DAB1: variants seen among roughly 807,000 people sequenced by gnomAD.
The protein encoded by DAB1 is DAB adaptor protein 1.
In DAB1, 15 loss-of-function variants were observed where a neutral mutation model predicts 64.6. That is an observed-to-expected ratio of 0.23 (90% confidence interval 0.16 to 0.36). The LOEUF (loss-of-function observed/expected upper bound fraction) is 0.36. Among genes scored for constraint, DAB1 ranks in the 10% least tolerant of loss-of-function variants. The probability of loss-of-function intolerance (pLI) is 1.00; values close to 1 mark genes in which losing one functional copy is unlikely to be tolerated. For synonymous variants in DAB1, 235 were observed against 251.9 expected (o/e 0.93, Z 0.64); for missense variants, 596 against 706.7 (o/e 0.84, Z 1.78).
At chr1:58,504,588 T>C (rs953264623) in intron 3 of DAB1, among the ~76,000 whole-genome samples, 5 of 152,190 alleles carry the variant, frequency 3.3e-5, no homozygotes, top group Admixed American at 1.3e-4. Flanking sequence ...CTAACTAGAA[T>C]GTTAACTCCA....
At chr1:57,713,002 T>C (rs960619443) in intron 6 of DAB1, among the ~76,000 whole-genome samples, 1 of 152,196 alleles carries the variant, frequency 6.6e-6, no homozygotes, top group African/African-American at 2.4e-5. Context: ...CTGACAGAGA[T>C]GAAACAGTTT....
intron 5 of DAB1, among the ~76,000 whole-genome samples, chr1:58,066,786 A>G: frequency 6.6e-6 from 1 of 152,190 alleles, no homozygotes; most frequent in East Asian, 1.9e-4. Context: ...CTCCTCAGAT[A>G]CCATGAGACA....
chr1:57,984,141 A>C (rs553562215), intron 5 of DAB1, among the ~76,000 whole-genome samples: 5 of 150,468 alleles, frequency 3.3e-5, no homozygotes, highest in African/African-American at 1.2e-4. Flanking sequence ...CGCCTTGGTA[A>C]TATAACAGTT....
At position 57,606,543 on chromosome 1, in the gene DAB1, T is replaced by C. The variant is rs868533160; in HGVS notation, n.625+43049A>G. Among the ~76,000 whole-genome samples the C allele has an allele frequency of 2.5e-3, 294 of 115,534 alleles. 1 individual carries two copies. The highest frequency in any genetic ancestry group is 0.01 in the African/African-American group (279 of 27,748). The allele number at this position is 115,534 out of a possible 152,430, so 75.8% of individuals were successfully genotyped here. A position where few individuals can be genotyped will look rare whatever the true frequency, so the allele number is the denominator to read the frequency against. On this transcript the variant is annotated intron_variant and non_coding_transcript_variant, in intron 7 of 20. Coordinates refer to the DAB1 transcript ENST00000485760. ...TATAATATATAATATATATGAAATATATAATATAATATATTATATATTATA... is the reference window on the plus strand; with the variant it reads ...TATAATATATAATATATATGAAATACATAATATAATATATTATATATTATA...
intron 7 of DAB1, among the ~76,000 whole-genome samples, chr1:57,518,451 T>C (rs1644487928): frequency 6.6e-6 from 1 of 151,988 alleles, no homozygotes; most frequent in African/African-American, 2.4e-5. Flanking sequence ...AAAATAGAAA[T>C]GCCACCTCCC....
chr1:57,245,029 A>G (rs1432635538), intron 2 of DAB1, among the ~76,000 whole-genome samples: 1 of 152,358 alleles, frequency 6.6e-6, no homozygotes, highest in East Asian at 1.9e-4. Flanking sequence ...TCAGAAGAAG[A>G]CAGGGAAATG....
At chr1:58,012,166 C>T (rs894539820) in intron 5 of DAB1, among the ~76,000 whole-genome samples, 1 of 152,132 alleles carries the variant, frequency 6.6e-6, no homozygotes, top group African/African-American at 2.4e-5. Flanking sequence ...CAATCAGAGG[C>T]AATTCAAATG....
intron 6 of DAB1, among the ~76,000 whole-genome samples, chr1:57,740,666 G>T (rs1473071515): frequency 6.6e-6 from 1 of 152,286 alleles, no homozygotes; most frequent in African/African-American, 2.4e-5. Context: ...TTGTGGGGAG[G>T]TTAAGTAAAT....
rs148099402 is a variant in DAB1, at chr1:58,242,257, T to C, written n.310-91669A>G. The stretch of plus-strand genomic sequence containing the variant: ...TATAATGATATCATATTTAAACCAA[T>C]GACAAAAATTCCTGCCTATGTATAT... On this transcript the variant is annotated intron_variant and non_coding_transcript_variant, in intron 4 of 20. Transcript: ENST00000485760. Among the ~76,000 whole-genome samples, 565 of 152,172 alleles carry C rather than the reference T, an allele frequency of 3.7e-3. 2 individuals are homozygous for C. The highest frequency in any genetic ancestry group is 0.013 in the African/African-American group (547 of 41,574).
rs146341137 is a variant in DAB1, at chr1:58,317,888, G to A, written n.309+25464C>T. ...ATCCTGGCACCCTCTGTATAAACAT[G>A]TTTCCCCATCTGTATATCTCTCTAG... On this transcript the variant is annotated intron_variant and non_coding_transcript_variant, in intron 4 of 20. Coordinates refer to the DAB1 transcript ENST00000485760. 5.0e-3 allele frequency among the ~76,000 whole-genome samples: 767 copies of A among 152,326 alleles called. 25 individuals are homozygous for A. Among genetic ancestry groups the A allele is most frequent in the Admixed American group, 0.046 (698 of 15,288 alleles).
intron 3 of DAB1, among the ~76,000 whole-genome samples, chr1:58,492,932 C>G (rs1007269981): frequency 9.2e-5 from 14 of 152,138 alleles, no homozygotes; most frequent in Admixed American, 7.2e-4. Flanking sequence ...CAGCATCATC[C>G]TGATACCAAA....
intron 4 of DAB1, among the ~76,000 whole-genome samples, chr1:57,123,218 A>T (rs951483921): frequency 2.6e-5 from 4 of 152,124 alleles, no homozygotes; most frequent in Non-Finnish European, 5.9e-5. Flanking sequence ...CAGTCCAGGC[A>T]GTTAACACCT....
At chr1:58,019,891 A>G (rs1646792355) in intron 5 of DAB1, among the ~76,000 whole-genome samples, 1 of 152,188 alleles carries the variant, frequency 6.6e-6, no homozygotes, top group Admixed American at 6.5e-5. Flanking sequence ...TAATTCTATT[A>G]CCTTAAGTCA....
At chr1:57,889,827 A>G (rs1644279458) in intron 5 of DAB1, among the ~76,000 whole-genome samples, 1 of 135,878 alleles carries the variant, frequency 7.4e-6, no homozygotes, top group South Asian at 2.4e-4. Context: ...ATCACAGTCT[A>G]TGTGGGTGAG....
intron 9 of DAB1, among the ~76,000 whole-genome samples, chr1:57,037,942 C>T (rs1268141186): frequency 6.6e-6 from 1 of 152,210 alleles, no homozygotes; most frequent in Middle Eastern, 3.2e-3. Context: ...TCCAATACAG[C>T]AGTCAGTAGA....
chr1:57,490,672 T>C (rs1049690493), intron 7 of DAB1, among the ~76,000 whole-genome samples: 3 of 152,202 alleles, frequency 2.0e-5, no homozygotes, highest in Admixed American at 1.3e-4. Context: ...AAGTTTCTGA[T>C]AGAAAATGTT....
chr1:57,614,319 G>T (rs1645763439), intron 7 of DAB1, among the ~76,000 whole-genome samples: 1 of 152,112 alleles, frequency 6.6e-6, no homozygotes, highest in Admixed American at 6.5e-5. Flanking sequence ...TCTATGAACA[G>T]AACCTGGCCT....
chr1:58,354,736 T>C (rs1446362079), intron 3 of DAB1, among the ~76,000 whole-genome samples: 1 of 152,056 alleles, frequency 6.6e-6, no homozygotes, highest in Non-Finnish European at 1.5e-5. Flanking sequence ...TGTGCTAGAG[T>C]CCATAGCTTC....
At chr1:57,905,292 G>A (rs536974821) in intron 5 of DAB1, among the ~76,000 whole-genome samples, 2 of 152,008 alleles carry the variant, frequency 1.3e-5, no homozygotes, top group African/African-American at 4.8e-5. Context: ...TTCTGTAGCA[G>A]AGCAGAGGGC....
Sources: allele counts gnomAD v4.1 joint callset (sites outside exome capture counted in the v4.1 genomes callset), GRCh38; gene constraint gnomAD v4.1.1; transcripts MANE v1.5; gene names NCBI Gene and HGNC (gene_info 2026-07-23, HGNC 2026-07-21).